The following SRPK2 variants were observed in gnomAD, a reference collection of about 807,000 sequenced individuals.
SRPK2 encodes SFRS protein kinase 2.
A neutral mutation model predicts 90.8 loss-of-function variants in SRPK2; 21 were observed. That is an observed-to-expected ratio of 0.23 (90% CI 0.16 to 0.33). The LOEUF (loss-of-function observed/expected upper bound fraction) is 0.33. Ranked by LOEUF, SRPK2 falls within the 10% of genes least tolerant of loss-of-function variation. The pLI, the probability that SRPK2 is intolerant of heterozygous loss-of-function variation, is 1.00. For missense variants in SRPK2, 620 were observed against 869.0 expected, an observed-to-expected ratio of 0.71 and a Z score of 3.60; for synonymous variants, 288 against 311.1, an observed-to-expected ratio of 0.93 and a Z score of 0.78.
chr7:105,179,824 CAAAAAAAAAAAAAAA>C (rs1185836588), intron 3 of SRPK2, among the ~76,000 whole-genome samples: 15 of 60,274 alleles, frequency 2.5e-4, no homozygotes, highest in African/African-American at 9.8e-4. Context: ...GAGTCCATCT[CAAAAAAAAAAAAAAA>C]AAAAAAAAAG....
chr7:105,120,188 G>A (rs1800132277), intron 15 of SRPK2, among the ~76,000 whole-genome samples: 1 of 152,144 alleles, frequency 6.6e-6, no homozygotes, highest in Non-Finnish European at 1.5e-5. Flanking sequence ...TCTGGGAAAG[G>A]GAGCGAACTT....
At chr7:105,221,848 A>T (rs529317709) in intron 2 of SRPK2, among the ~76,000 whole-genome samples, 1 of 152,308 alleles carries the variant, frequency 6.6e-6, no homozygotes, top group Non-Finnish European at 1.5e-5. Context: ...TTTGTTCATT[A>T]TCTGTAAATC....
At chr7:105,119,943 T>C (rs1800090723) in intron 15 of SRPK2, among the ~76,000 whole-genome samples, 1 of 152,232 alleles carries the variant, frequency 6.6e-6, no homozygotes, top group Admixed American at 6.5e-5. Context: ...GAGAAGATCA[T>C]GGTACAACAT....
At chr7:105,247,531 A>AACACATAAACACACAC (rs1554478333) in intron 2 of SRPK2, among the ~76,000 whole-genome samples, 1 of 145,162 alleles carries the variant, frequency 6.9e-6, no homozygotes, top group Non-Finnish European at 1.5e-5. Flanking sequence ...CACACACATA[A>AACACATAAACACACAC]ACACACACAC....
At chr7:105,218,038 A>C (rs527368206) in intron 2 of SRPK2, among the ~76,000 whole-genome samples, 1 of 152,312 alleles carries the variant, frequency 6.6e-6, no homozygotes, top group South Asian at 2.1e-4. Flanking sequence ...AAAAGGTGTC[A>C]ATAGATCTAG....
chr7:105,115,620 C>T (rs1799574651), downstream of SRPK2: 1 of 152,114 alleles, frequency 6.6e-6, no homozygotes, highest in African/African-American at 2.4e-5. Context: ...AACAAGCCGC[C>T]AAGAATCTGA....
At chr7:105,135,457 G>A (rs1464625906) in intron 11 of SRPK2, among the ~76,000 whole-genome samples, 2 of 152,184 alleles carry the variant, frequency 1.3e-5, no homozygotes, top group African/African-American at 4.8e-5. Context: ...AGAGGGAAGG[G>A]GAGGCCCAAG....
At chr7:105,136,414 C>G (rs1165698880) in intron 11 of SRPK2, among the ~76,000 whole-genome samples, 2 of 152,188 alleles carry the variant, frequency 1.3e-5, no homozygotes, top group East Asian at 3.8e-4. Flanking sequence ...CGGTTTCCTT[C>G]TTACAGATAA....
chr7:105,177,817 T>C (rs1156868379), intron 3 of SRPK2, among the ~76,000 whole-genome samples: 1 of 151,928 alleles, frequency 6.6e-6, no homozygotes, highest in Non-Finnish European at 1.5e-5. Flanking sequence ...GATCAGGAGA[T>C]CGAGACCACC....
intron 13 of SRPK2, among the ~76,000 whole-genome samples, chr7:105,131,089 C>T (rs1321739645): frequency 2.0e-5 from 3 of 152,190 alleles, no homozygotes; most frequent in African/African-American, 7.2e-5. Context: ...CTCCATTAAC[C>T]CACTACATCC....
chr7:105,333,155 C>T (rs540679784), intron 2 of SRPK2, among the ~76,000 whole-genome samples: 24 of 152,192 alleles, frequency 1.6e-4, no homozygotes, highest in Non-Finnish European at 2.2e-4. Flanking sequence ...GATCGTGCCA[C>T]TGCACTCCAG....
intron 2 of SRPK2, among the ~76,000 whole-genome samples, chr7:105,302,314 C>G (rs1014217694): frequency 3.3e-5 from 5 of 152,174 alleles, no homozygotes; most frequent in Non-Finnish European, 7.3e-5. Context: ...GTTTAGTATA[C>G]TTTATGAAGC....
chr7:105,242,463 G>A (rs772593236), intron 2 of SRPK2, among the ~76,000 whole-genome samples: 20 of 152,022 alleles, frequency 1.3e-4, no homozygotes, highest in Non-Finnish European at 2.6e-4. Context: ...AGTGAGCCAA[G>A]ATCACCCCAC....
chr7:105,260,096 G>C (rs1267498641), intron 2 of SRPK2, among the ~76,000 whole-genome samples: 2 of 152,154 alleles, frequency 1.3e-5, no homozygotes, highest in African/African-American at 4.8e-5. Flanking sequence ...AGAGTGAAAA[G>C]GCAACCTACA....
At chr7:105,303,989 GT>G (rs1810878251) in intron 2 of SRPK2, among the ~76,000 whole-genome samples, 1 of 152,162 alleles carries the variant, frequency 6.6e-6, no homozygotes, top group South Asian at 2.1e-4. Flanking sequence ...GACTTCAAAA[GT>G]TTTCATTACG....
At chr7:105,305,731 GA>G (rs916082592) in intron 2 of SRPK2, among the ~76,000 whole-genome samples, 2 of 152,002 alleles carry the variant, frequency 1.3e-5, no homozygotes, top group Admixed American at 6.6e-5. Flanking sequence ...ACAGGAGGGG[GA>G]AAAAAAGCAG....
In SRPK2 at chr7:105,203,754, G is replaced by A; in HGVS notation, c.103C>T (p.Pro35Ser). Reference protein sequence around the residue: ...PEPQQKAPLVPPPPPPPPPPP... With the variant: ...PEPQQKAPLVSPPPPPPPPPP... ...GGTGGTGGTGGCGGTGGAGGAGGAG[G>A]AACTAAAGGAGCTTTCTGTTGAGGC... Residue 35 changes from proline (P) to serine (S), a missense_variant, in exon 3 of 16, where the codon CCT (proline) becomes TCT (serine). Pro to Ser is a moderately conservative substitution (Grantham distance 74). This residue lies in a region of SRPK2 where 56 missense variants were observed against 49.6 expected (regional missense o/e 1.13). Transcript: ENST00000393651. 5 of 1,602,046 alleles carry A rather than the reference G, an allele frequency of 3.1e-6. No homozygotes were observed. The highest frequency in any genetic ancestry group is 4.3e-6 in the Non-Finnish European group (5 of 1,174,138).
intron 2 of SRPK2, among the ~76,000 whole-genome samples, chr7:105,333,668 T>C (rs969558205): frequency 1.6e-4 from 25 of 152,196 alleles, no homozygotes; most frequent in Admixed American, 4.6e-4. Flanking sequence ...TACAGTTTTA[T>C]GAGGGAGAGA....
intron 2 of SRPK2, among the ~76,000 whole-genome samples, chr7:105,340,853 G>A (rs1355513341): frequency 6.6e-6 from 1 of 152,078 alleles, no homozygotes; most frequent in Non-Finnish European, 1.5e-5. Context: ...CTTAAAATTT[G>A]TATCTGCCAC....
Sources: gnomAD v4.1 joint callset for allele counts (sites outside exome capture counted in the v4.1 genomes callset) on GRCh38, gnomAD v4.1.1 for gene constraint, gnomAD v4.1.1 regional missense constraint, MANE v1.5 for transcripts, NCBI Gene and HGNC (gene_info 2026-07-23, HGNC 2026-07-21) for gene names.